Variants in ANKRD30B observed in about 807,000 individuals in gnomAD.
ANKRD30B encodes the protein ankyrin repeat domain-containing protein 30B.
ANKRD30B carries 144 observed loss-of-function variants against 202.2 expected under a neutral mutation model. That is an observed-to-expected ratio of 0.71 (90% confidence interval 0.62 to 0.82). The LOEUF is 0.82. ANKRD30B is among the 40% of genes least tolerant of loss of function. ANKRD30B has a pLI of 0.00. For missense variants in ANKRD30B, 1,487 were observed against 1,669.1 expected (o/e 0.89, Z 1.90); for synonymous variants, 508 against 561.3 (o/e 0.91, Z 1.34).
intron 20 of ANKRD30B, among the ~76,000 whole-genome samples, chr18:14,798,681 G>T (rs531140136): frequency 6.6e-6 from 1 of 152,044 alleles, no homozygotes; most frequent in Non-Finnish European, 1.5e-5. Flanking sequence ...TCTCCACAAG[G>T]GTAGCATTCC....
At chr18:14,786,951 T>A in intron 14 of ANKRD30B, 88 bp from the exon 15 acceptor site, 1 of 1,309,106 alleles carries the variant, frequency 7.6e-7, no homozygotes, top group Non-Finnish European at 1.1e-6. Flanking sequence ...AACTACAGAT[T>A]CGTGAATGAA....
At chr18:14,749,459 G>A (rs1042103303) in intron 1 of ANKRD30B, among the ~76,000 whole-genome samples, 1 of 152,010 alleles carries the variant, frequency 6.6e-6, no homozygotes, top group African/African-American at 2.4e-5. Context: ...ATCATCTGAG[G>A]TCAGGAGTTC....
At chr18:14,811,313 G>A (rs1270107935) in intron 28 of ANKRD30B, among the ~76,000 whole-genome samples, 2 of 151,024 alleles carry the variant, frequency 1.3e-5, no homozygotes, top group East Asian at 1.9e-4. Flanking sequence ...CCGGCTTCAC[G>A]CCATTCTCCT....
chr18:14,887,171 G>C, the ANKRD30B span, among the ~76,000 whole-genome samples: 3 of 152,098 alleles, frequency 2.0e-5, no homozygotes, highest in Admixed American at 2.0e-4. Flanking sequence ...GCCTATGAAA[G>C]ACTTTGGAAG....
the ANKRD30B span, among the ~76,000 whole-genome samples, chr18:14,869,141 C>T: frequency 2.0e-5 from 3 of 152,220 alleles, no homozygotes; most frequent in African/African-American, 7.2e-5. Flanking sequence ...ACTCCAGCTC[C>T]ATTGGAGAAG....
In ANKRD30B at chr18:14,782,595, GATAA is replaced by G. The variant is rs753633581; in HGVS notation, c.1555_1558del (p.Asn519GlufsTer3). 1.4e-5 allele frequency: 22 copies of G among 1,575,870 alleles called. No individual in the cohort carries two copies. The highest frequency in any genetic ancestry group is 5.9e-5 in the Admixed American group (3 of 51,246). ...AGTCTATGTATCAGAAAGTAATGGA[GATAA>G]ATAGAGAAGTAGAAGGTAAGAACAA... On this transcript the variant is annotated frameshift_variant, in exon 12 of 44. Transcript: ENST00000690538. LOFTEE classifies it high-confidence loss of function.
chr18:14,757,996 T>C (rs746404517), intron 5 of ANKRD30B, 44 bp downstream of exon 5: 3 of 1,528,998 alleles, frequency 2.0e-6, no homozygotes, highest in Non-Finnish European at 2.6e-6. Context: ...TTATTGTTTG[T>C]TTCAGGGAGT....
chr18:14,915,866 C>A, the ANKRD30B span, among the ~76,000 whole-genome samples: 1 of 152,110 alleles, frequency 6.6e-6, no homozygotes, highest in Non-Finnish European at 1.5e-5. Flanking sequence ...TAAAATATAA[C>A]AATAAAAATT....
intron 28 of ANKRD30B, among the ~76,000 whole-genome samples, chr18:14,811,499 C>T (rs1191906880): frequency 4.0e-5 from 6 of 150,278 alleles, no homozygotes; most frequent in Admixed American, 4.0e-4. Context: ...GCGTGAGCCA[C>T]CGCGCCCGGC....
intron 32 of ANKRD30B, among the ~76,000 whole-genome samples, chr18:14,824,529 C>T (rs1970585469): frequency 6.6e-6 from 1 of 152,158 alleles, no homozygotes; most frequent in South Asian, 2.1e-4. Context: ...AATGTTCTTA[C>T]TGTGATTAGC....
chr18:14,916,384 C>T, the ANKRD30B span, among the ~76,000 whole-genome samples: 1 of 152,214 alleles, frequency 6.6e-6, no homozygotes, highest in African/African-American at 2.4e-5. Flanking sequence ...TTACCAAGTA[C>T]TGAGCCTTGA....
the ANKRD30B span, among the ~76,000 whole-genome samples, chr18:14,892,615 C>T: frequency 3.6e-4 from 54 of 152,008 alleles, no homozygotes; most frequent in African/African-American, 1.2e-3. Context: ...TGGTGGGTGC[C>T]TGTAATCCCA....
At chr18:14,916,727 T>A in the ANKRD30B span, among the ~76,000 whole-genome samples, 1 of 152,216 alleles carries the variant, frequency 6.6e-6, no homozygotes, top group African/African-American at 2.4e-5. Flanking sequence ...ACGCAGTTGA[T>A]CTAATCAATA....
chr18:14,890,801 T>G, the ANKRD30B span, among the ~76,000 whole-genome samples: 1 of 150,128 alleles, frequency 6.7e-6, no homozygotes, highest in African/African-American at 2.4e-5. Flanking sequence ...TTTTGATACA[T>G]GAAAAGACCA....
At chr18:14,917,566 G>C in the ANKRD30B span, among the ~76,000 whole-genome samples, 2 of 152,218 alleles carry the variant, frequency 1.3e-5, no homozygotes, top group Non-Finnish European at 2.9e-5. Flanking sequence ...GGTAAATCAG[G>C]TGGGGGAGAA....
chr18:14,883,011 T>C, the ANKRD30B span, among the ~76,000 whole-genome samples: 1 of 152,188 alleles, frequency 6.6e-6, no homozygotes, highest in East Asian at 1.9e-4. Context: ...TAACTCTCTT[T>C]CTAGTGCCTA....
At chr18:14,906,504 T>A in the ANKRD30B span, among the ~76,000 whole-genome samples, 2 of 152,236 alleles carry the variant, frequency 1.3e-5, no homozygotes, top group Non-Finnish European at 2.9e-5. Context: ...ATTTTCAGCC[T>A]CAATATTAAA....
chr18:14,795,384 A>G (rs1432374534), intron 16 of ANKRD30B, among the ~76,000 whole-genome samples: 1 of 152,146 alleles, frequency 6.6e-6, no homozygotes, highest in African/African-American at 2.4e-5. Context: ...TTTTGTGGAG[A>G]CAGGGTTTCG....
At chr18:14,777,403 T>C (rs1198827040) in intron 9 of ANKRD30B, among the ~76,000 whole-genome samples, 2 of 151,932 alleles carry the variant, frequency 1.3e-5, no homozygotes, top group Non-Finnish European at 2.9e-5. Context: ...GTTCCATCGA[T>C]TCTCCTGCCT....
Sources: allele counts gnomAD v4.1 joint callset (sites outside exome capture counted in the v4.1 genomes callset), GRCh38; gene constraint gnomAD v4.1.1; transcripts MANE v1.5; gene names NCBI Gene and HGNC (gene_info 2026-07-23, HGNC 2026-07-21).